FBXL20: variants seen among roughly 807,000 people sequenced by gnomAD.
FBXL20 encodes F-box and leucine rich repeat protein 20, also known as F-box/LRR-repeat protein 20.
Under a neutral mutation model 64.0 loss-of-function variants are expected in FBXL20, and 11 were observed. The ratio of observed to expected loss-of-function variants is 0.17; its 90% CI spans 0.11 to 0.28. FBXL20 has a LOEUF of 0.28. FBXL20 is among the 10% of genes least tolerant of loss of function. FBXL20 has a pLI of 1.00. For missense variants in FBXL20, 303 were observed against 526.2 expected, an observed-to-expected ratio of 0.58 and a Z score of 4.15; for synonymous variants, 184 against 189.0, an observed-to-expected ratio of 0.97 and a Z score of 0.22.
At chr17:39,344,740 A>G (rs1214394209) in intron 1 of FBXL20, among the ~76,000 whole-genome samples, 1 of 152,208 alleles carries the variant, frequency 6.6e-6, no homozygotes, top group African/African-American at 2.4e-5. Flanking sequence ...CAGTGAGCCA[A>G]GATGGCGCCC....
chr17:39,315,995 G>A (rs1013938319), intron 2 of FBXL20, among the ~76,000 whole-genome samples: 11 of 152,142 alleles, frequency 7.2e-5, no homozygotes, highest in African/African-American at 2.4e-5. Context: ...GGCCAAGGTG[G>A]ATCACTTGAA....
chr17:39,349,615 C>A (rs1463941300), intron 1 of FBXL20, among the ~76,000 whole-genome samples: 2 of 151,962 alleles, frequency 1.3e-5, no homozygotes, highest in East Asian at 3.9e-4. Context: ...AAATTCCACA[C>A]CTGACCTCTT....
chr17:39,371,092 C>A (rs1368343702), intron 1 of FBXL20, among the ~76,000 whole-genome samples: 1 of 152,036 alleles, frequency 6.6e-6, no homozygotes, highest in Admixed American at 6.6e-5. Flanking sequence ...GTGGCACATG[C>A]CTGTAATCCG....
chr17:39,303,354 T>C (rs2047154892), intron 3 of FBXL20, among the ~76,000 whole-genome samples: 1 of 152,098 alleles, frequency 6.6e-6, no homozygotes, highest in South Asian at 2.1e-4. Context: ...TCATCGAAAA[T>C]GTTTCCTGTT....
intron 1 of FBXL20, among the ~76,000 whole-genome samples, chr17:39,392,882 G>A (rs2048147950): frequency 6.6e-6 from 1 of 151,784 alleles, no homozygotes; most frequent in Non-Finnish European, 1.5e-5. Flanking sequence ...GGGTAGTGGT[G>A]CATGCCTGTA....
At chr17:39,394,668 G>A (rs1378309357) in intron 1 of FBXL20, among the ~76,000 whole-genome samples, 1 of 151,148 alleles carries the variant, frequency 6.6e-6, no homozygotes, top group Non-Finnish European at 1.5e-5. Context: ...GGTTTCAAGC[G>A]ATTCTCCCAC....
chr17:39,333,308 A>C (rs2047482131), intron 2 of FBXL20, among the ~76,000 whole-genome samples: 1 of 151,914 alleles, frequency 6.6e-6, no homozygotes, highest in Non-Finnish European at 1.5e-5. Flanking sequence ...GCCACGCCTG[A>C]CTGGTTTTCG....
intron 2 of FBXL20, among the ~76,000 whole-genome samples, chr17:39,325,969 G>C (rs1258295017): frequency 6.6e-6 from 1 of 152,152 alleles, no homozygotes; most frequent in Admixed American, 6.5e-5. Context: ...GATCATGGGG[G>C]CAGATCCCTC....
rs556000349 is a variant in FBXL20 at position 39,280,089 on chromosome 17, G to C, written c.696+1300C>G. ...CCCTACTAAAAATACAAAAAAATCA[G>C]CCAGGTGTGGTGACGGGCGCTTGTA... is the stretch of plus-strand genomic sequence containing the variant. On this transcript the variant is annotated intron_variant, in intron 9 of 14. Transcript: ENST00000264658. Among the ~76,000 whole-genome samples, 15 of 152,162 alleles carry C rather than the reference G, an allele frequency of 9.9e-5. No individual in the cohort carries two copies. The South Asian group carries it at 2.7e-3, about 27-fold the overall frequency.
chr17:39,356,926 A>C (rs1302601018), intron 1 of FBXL20, among the ~76,000 whole-genome samples: 1 of 150,292 alleles, frequency 6.7e-6, no homozygotes, highest in Non-Finnish European at 1.5e-5. Context: ...GACCTCCCAA[A>C]GTGCTGGGAT....
intron 1 of FBXL20, among the ~76,000 whole-genome samples, chr17:39,359,574 GC>G (rs2047774987): frequency 6.6e-6 from 1 of 152,076 alleles, no homozygotes; most frequent in Non-Finnish European, 1.5e-5. Context: ...CTGCACTCCG[GC>G]CTGGGCAACA....
At chr17:39,318,652 A>C (rs1399090928) in intron 2 of FBXL20, among the ~76,000 whole-genome samples, 8 of 152,166 alleles carry the variant, frequency 5.3e-5, no homozygotes, top group Non-Finnish European at 1.0e-4. Context: ...AGGCAAGAGA[A>C]TCGCTTGAAC....
intron 2 of FBXL20, among the ~76,000 whole-genome samples, chr17:39,315,175 C>T (rs1188715937): frequency 1.3e-5 from 2 of 151,970 alleles, no homozygotes; most frequent in Non-Finnish European, 1.5e-5. Context: ...TCAGGTGATC[C>T]GCCTGCCTCG....
At chr17:39,402,115 A>T (rs981974463), upstream of FBXL20, 2 of 1,223,378 alleles carry the variant, frequency 1.6e-6, no homozygotes, top group Non-Finnish European at 1.0e-6. Context: ...GTTCCCCAGG[A>T]TCCTGTAAGG....
chr17:39,383,161 C>CAAAAAA (rs544953840), intron 1 of FBXL20, among the ~76,000 whole-genome samples: 3 of 50,290 alleles, frequency 6.0e-5, no homozygotes, highest in Admixed American at 2.1e-4. Context: ...GACTCTGTCT[C>CAAAAAA]AAAAAAAAAA....
At chr17:39,363,608 C>A (rs2047821166) in intron 1 of FBXL20, among the ~76,000 whole-genome samples, 1 of 151,554 alleles carries the variant, frequency 6.6e-6, no homozygotes, top group Admixed American at 6.6e-5. Context: ...CCAGGAATTC[C>A]AGACCAGCCT....
At chr17:39,298,146 C>T (rs955118130) in intron 5 of FBXL20, among the ~76,000 whole-genome samples, 11 of 151,486 alleles carry the variant, frequency 7.3e-5, no homozygotes, top group Middle Eastern at 3.4e-3. Context: ...ACAGGGTCTT[C>T]CTCTGTCACT....
At chr17:39,277,379 C>G (rs16968705) in intron 9 of FBXL20, among the ~76,000 whole-genome samples, 1 of 152,030 alleles carries the variant, frequency 6.6e-6, no homozygotes, top group Non-Finnish European at 1.5e-5. Flanking sequence ...AGAAAAGTAC[C>G]GTAGGGCTGT....
rs1456015319 is a variant in FBXL20 at position 39,254,333 on chromosome 17, C to T, written c.*7127G>A. 6.6e-6 allele frequency: 1 copy of T among 152,336 alleles called. No homozygotes were observed. Among genetic ancestry groups the T allele is most frequent in the Non-Finnish European group, 1.5e-5 (1 of 68,054 alleles). 9.4% of individuals were successfully genotyped at this position (152,336 alleles called of 1,614,324 possible). A position where few individuals can be genotyped will look rare whatever the true frequency, so the allele number is the denominator to read the frequency against. ...AAGTGCTGGGATTACAGGCGTGAGC[C>T]ACCACGCCTGGCTGCAAAGTTTTCT... On this transcript the variant is annotated 3_prime_UTR_variant, in exon 15 of 15. Coordinates refer to ENST00000264658, the MANE Select transcript of FBXL20 (RefSeq NM_032875.3).
Sources: gnomAD v4.1 joint callset for allele counts (sites outside exome capture counted in the v4.1 genomes callset) on GRCh38, gnomAD v4.1.1 for gene constraint, MANE v1.5 for transcripts, NCBI Gene and HGNC (gene_info 2026-07-23, HGNC 2026-07-21) for gene names.